CACNA2D3: variants seen among roughly 807,000 people sequenced by gnomAD.
CACNA2D3 encodes calcium voltage-gated channel auxiliary subunit alpha2delta 3.
A neutral mutation model predicts 160.6 loss-of-function variants in CACNA2D3; 60 were observed. The ratio of observed to expected loss-of-function variants is 0.37; its 90% CI spans 0.30 to 0.46. CACNA2D3 has a LOEUF of 0.46. Among genes scored for constraint, CACNA2D3 ranks in the 20% least tolerant of loss-of-function variants. The pLI is 1.00. For synonymous variants in CACNA2D3, 558 were observed against 492.9 expected (o/e 1.13, Z -1.75); for missense variants, 1,205 against 1,365.0 (o/e 0.88, Z 1.85).
At chr3:54,291,246 A>T (rs1703196469) in intron 2 of CACNA2D3, among the ~76,000 whole-genome samples, 1 of 152,190 alleles carries the variant, frequency 6.6e-6, no homozygotes, top group Non-Finnish European at 1.5e-5. Context: ...TAATAAAGAA[A>T]ATAAAAATTC....
chr3:54,567,340 C>A (rs1032386130), intron 6 of CACNA2D3, among the ~76,000 whole-genome samples: 1 of 152,134 alleles, frequency 6.6e-6, no homozygotes, highest in African/African-American at 2.4e-5. Flanking sequence ...GGGCCAAGTA[C>A]TAAATATTTT....
intron 27 of CACNA2D3, among the ~76,000 whole-genome samples, chr3:54,904,125 G>T (rs559220077): frequency 6.6e-6 from 1 of 152,222 alleles, no homozygotes; most frequent in African/African-American, 2.4e-5. Flanking sequence ...GAGGGCAGAA[G>T]GTAGAAGGGC....
chr3:54,750,685 A>C (rs1447600407), intron 11 of CACNA2D3, among the ~76,000 whole-genome samples: 1 of 150,474 alleles, frequency 6.6e-6, no homozygotes, highest in African/African-American at 2.5e-5. Flanking sequence ...AAGTGCCGAC[A>C]GTGGACAGGC....
At chr3:54,941,550 T>G (rs907953314) in intron 27 of CACNA2D3, among the ~76,000 whole-genome samples, 6 of 152,220 alleles carry the variant, frequency 3.9e-5, no homozygotes, top group Admixed American at 3.9e-4. Flanking sequence ...AAATAAAATC[T>G]TAACGACATT....
intron 2 of CACNA2D3, among the ~76,000 whole-genome samples, chr3:54,229,366 A>G (rs911282752): frequency 6.6e-6 from 1 of 151,428 alleles, no homozygotes; most frequent in Non-Finnish European, 1.5e-5. Flanking sequence ...TGATTTTTGT[A>G]TTTTGTTTAG....
chr3:54,387,724 T>C (rs1036072811), intron 4 of CACNA2D3, among the ~76,000 whole-genome samples: 1 of 152,200 alleles, frequency 6.6e-6, no homozygotes. Context: ...AAAGAACTTT[T>C]ATCTAAATTG....
chr3:54,321,802 C>T (rs1704003399), intron 3 of CACNA2D3, among the ~76,000 whole-genome samples: 1 of 151,146 alleles, frequency 6.6e-6, no homozygotes, highest in Non-Finnish European at 1.5e-5. Context: ...TTCAGAGGCT[C>T]AGAAGCAATC....
intron 27 of CACNA2D3, among the ~76,000 whole-genome samples, chr3:54,945,856 G>T (rs146360286): frequency 4.6e-5 from 7 of 152,306 alleles, no homozygotes; most frequent in African/African-American, 1.7e-4. Context: ...AGTGGGCAAT[G>T]CAGCAAAGCT....
chr3:54,658,689 C>T (rs972118210), intron 11 of CACNA2D3, among the ~76,000 whole-genome samples: 3 of 152,118 alleles, frequency 2.0e-5, no homozygotes, highest in East Asian at 1.9e-4. Context: ...TGCACAGCAA[C>T]GGATACAATC....
intron 35 of CACNA2D3, among the ~76,000 whole-genome samples, chr3:55,023,101 T>C (rs1035969992): frequency 1.3e-5 from 2 of 152,178 alleles, no homozygotes; most frequent in Non-Finnish European, 2.9e-5. Context: ...AAATTTAGTA[T>C]GTACTCAACA....
At chr3:54,969,740 A>G (rs1702230378) in intron 28 of CACNA2D3, 60 bp from the exon 29 acceptor site, 2 of 1,430,964 alleles carry the variant, frequency 1.4e-6, no homozygotes, top group East Asian at 4.6e-5. Context: ...CAGCCACAGC[A>G]GGCACTGGGA....
intron 13 of CACNA2D3, among the ~76,000 whole-genome samples, chr3:54,777,387 T>G (rs1219745331): frequency 6.6e-6 from 1 of 152,190 alleles, no homozygotes; most frequent in Admixed American, 6.5e-5. Context: ...TGACACATGC[T>G]CTTATTAGAC....
intron 8 of CACNA2D3, among the ~76,000 whole-genome samples, chr3:54,573,675 A>G (rs553977399): frequency 2.0e-5 from 3 of 152,204 alleles, no homozygotes; most frequent in African/African-American, 4.8e-5. Flanking sequence ...TTTATGCACC[A>G]AAGGGTATAC....
In CACNA2D3 at chr3:54,717,107, G is replaced by A. The variant is rs141871122; in HGVS notation, c.1168-35492G>A. On this transcript the variant is annotated intron_variant, in intron 11 of 37. Transcript: ENST00000474759. ...CAGAACCTTATGTAACATACTCTCT[G>A]GTGTCTGGTTTCTTTCACTCAGTGA... Among the ~76,000 whole-genome samples the A allele has an allele frequency of 5.7e-3, 860 of 152,126 alleles. 3 individuals are homozygous for A. The highest frequency in any genetic ancestry group is 8.1e-3 in the Non-Finnish European group (553 of 67,980).
At chr3:54,812,897 A>G (rs1317027722) in intron 13 of CACNA2D3, among the ~76,000 whole-genome samples, 1 of 152,234 alleles carries the variant, frequency 6.6e-6, no homozygotes, top group African/African-American at 2.4e-5. Context: ...ATTCACTACA[A>G]AAAGCAAAAG....
chr3:54,885,637 A>T, intron 23 of CACNA2D3, 51 bp downstream of exon 23: 3 of 1,417,124 alleles, frequency 2.1e-6, no homozygotes, highest in Non-Finnish European at 3.0e-6. Context: ...ATGGTGGGGA[A>T]TGAACTCAAA....
At position 54,614,860 on chromosome 3, in the gene CACNA2D3, A is replaced by C. The variant is rs534642993; in HGVS notation, c.964-12927A>C. On this transcript the variant is annotated intron_variant, in intron 9 of 37. Transcript: ENST00000474759. ...ATTAAATATCCCTCCACCACTCCCC[A>C]AAAAAACACACAAAAATCATCAACA... Among the ~76,000 whole-genome samples, 6 of 152,214 alleles carry C rather than the reference A, an allele frequency of 3.9e-5. No homozygotes were observed. The East Asian group carries it at 9.7e-4, about 25-fold the overall frequency.
rs917298063 is a variant in CACNA2D3 at position 54,442,395 on chromosome 3, G to A, written c.381+55621G>A. Among the ~76,000 whole-genome samples the A allele has an allele frequency of 9.9e-5, 15 of 152,122 alleles. 1 individual carries two copies. The highest frequency in any genetic ancestry group is 2.4e-5 in the African/African-American group (1 of 41,428). ...GGCCTGGAGCACAGATGCTGTGCTT[G>A]GAGGTGTAGCAGCCATTCTGCTACT... On this transcript the variant is annotated intron_variant, in intron 4 of 37. Transcript: ENST00000474759.
chr3:54,647,867 T>C (rs1455255904), intron 11 of CACNA2D3, among the ~76,000 whole-genome samples: 2 of 152,222 alleles, frequency 1.3e-5, no homozygotes, highest in Non-Finnish European at 2.9e-5. Context: ...GAGCTATTTA[T>C]TCATTTATTG....
Sources: gnomAD v4.1 joint callset for allele counts (sites outside exome capture counted in the v4.1 genomes callset) on GRCh38, gnomAD v4.1.1 for gene constraint, MANE v1.5 for transcripts, NCBI Gene and HGNC (gene_info 2026-07-23, HGNC 2026-07-21) for gene names.